Variants in RARRES1 observed in about 807,000 individuals in gnomAD.
The protein encoded by RARRES1 is retinoic acid receptor responder protein 1.
RARRES1 carries 34 observed loss-of-function variants against 30.6 expected under a neutral mutation model. The ratio of observed to expected loss-of-function variants is 1.11; its 90% confidence interval spans 0.84 to 1.48. The LOEUF (loss-of-function observed/expected upper bound fraction) is 1.48, where lower values mean the gene tolerates loss of function less well. Ranked by LOEUF, RARRES1 falls within the 40% of genes most tolerant of loss-of-function variation. The pLI, the probability that RARRES1 is intolerant of heterozygous loss-of-function variation, is 0.00. For synonymous variants in RARRES1, 153 were observed against 155.5 expected, an observed-to-expected ratio of 0.98 and a Z score of 0.12; for missense variants, 373 against 386.5, an observed-to-expected ratio of 0.97 and a Z score of 0.29.
chr3:158,713,505 G>GA (rs1727213510), intron 2 of RARRES1, among the ~76,000 whole-genome samples: 1 of 152,142 alleles, frequency 6.6e-6, no homozygotes, highest in Admixed American at 6.5e-5. Flanking sequence ...AGCTAGGAGG[G>GA]ATACCAGAGG....
chr3:158,715,020 G>A (rs997702133), intron 1 of RARRES1, among the ~76,000 whole-genome samples: 1 of 152,218 alleles, frequency 6.6e-6, no homozygotes, highest in Non-Finnish European at 1.5e-5. Flanking sequence ...GCTTGTACAT[G>A]TACAGATGTT....
chr3:158,713,759 G>A, intron 2 of RARRES1, 38 bp downstream of exon 2: 1 of 1,568,660 alleles, frequency 6.4e-7, no homozygotes. Context: ...ATTTATAGCA[G>A]TTGCTAATAG....
intron 3 of RARRES1, among the ~76,000 whole-genome samples, chr3:158,708,980 A>G (rs191514145): frequency 2.0e-5 from 3 of 152,240 alleles, no homozygotes; most frequent in African/African-American, 7.2e-5. Flanking sequence ...AACTGGGTAA[A>G]ATTTACCTTA....
Position 158,724,814 on chromosome 3 carries a change from A to G in RARRES1, c.276+7326T>C, listed in dbSNP as rs373847556. Among the ~76,000 whole-genome samples, 12 of 151,990 alleles carry G rather than the reference A, an allele frequency of 7.9e-5. No homozygotes were observed. The East Asian group carries it at 1.7e-3, about 22-fold the overall frequency. The stretch of plus-strand genomic sequence containing the variant: ...CATACATCCTATACACAGCCATGGT[A>G]CAAGACTCCCTTTCTTTTTTTTTTT... On this transcript the variant is annotated intron_variant, in intron 1 of 5. Coordinates refer to ENST00000237696, the MANE Select transcript of RARRES1 (RefSeq NM_206963.2).
chr3:158,720,163 GCA>G (rs1391231801), intron 1 of RARRES1, among the ~76,000 whole-genome samples: 1 of 151,582 alleles, frequency 6.6e-6, no homozygotes, highest in African/African-American at 2.4e-5. Context: ...CCCAAATACC[GCA>G]CAGGACTGCA....
At chr3:158,702,548 C>T (rs1431814183) in intron 4 of RARRES1, among the ~76,000 whole-genome samples, 2 of 152,094 alleles carry the variant, frequency 1.3e-5, no homozygotes, top group African/African-American at 2.4e-5. Flanking sequence ...TGTTAAATGT[C>T]CTAGTTTTTT....
intron 3 of RARRES1, among the ~76,000 whole-genome samples, chr3:158,706,915 T>C (rs1481684917): frequency 1.3e-5 from 2 of 152,152 alleles, no homozygotes; most frequent in Non-Finnish European, 2.9e-5. Flanking sequence ...ACGCCTGTAA[T>C]CCCAGCACTT....
At chr3:158,722,011 A>C (rs1727526819) in intron 1 of RARRES1, among the ~76,000 whole-genome samples, 1 of 147,708 alleles carries the variant, frequency 6.8e-6, no homozygotes, top group Admixed American at 7.0e-5. Flanking sequence ...GAATCACTTG[A>C]ATCCAGGAGG....
intron 1 of RARRES1, among the ~76,000 whole-genome samples, chr3:158,716,086 C>G (rs1251642576): frequency 6.6e-6 from 1 of 152,208 alleles, no homozygotes; most frequent in East Asian, 1.9e-4. Flanking sequence ...TGGGTACAGC[C>G]TCCTGCAGAG....
chr3:158,715,862 C>T (rs1273365376), intron 1 of RARRES1, among the ~76,000 whole-genome samples: 1 of 152,186 alleles, frequency 6.6e-6, no homozygotes, highest in Non-Finnish European at 1.5e-5. Flanking sequence ...AGTTCAGCAT[C>T]CTTAGTACCT....
At chr3:158,719,741 A>T (rs1056732622) in intron 1 of RARRES1, among the ~76,000 whole-genome samples, 1 of 152,094 alleles carries the variant, frequency 6.6e-6, no homozygotes. Context: ...TTGATTTGCA[A>T]TCAGTTTGGA....
At chr3:158,713,912 C>T (rs1183818913) in intron 1 of RARRES1, 53 bp from the exon 2 acceptor site, 47 of 1,483,116 alleles carry the variant, frequency 3.2e-5, no homozygotes, top group Non-Finnish European at 4.1e-5. Flanking sequence ...TAAACATCCT[C>T]ATATCCAGGA....
At chr3:158,715,066 AC>A in intron 1 of RARRES1, among the ~76,000 whole-genome samples, 1 of 152,240 alleles carries the variant, frequency 6.6e-6, no homozygotes, top group East Asian at 1.9e-4. Context: ...AGAGCACTGC[AC>A]ACAGAGCAGT....
At chr3:158,712,754 G>A (rs1727178869) in intron 2 of RARRES1, among the ~76,000 whole-genome samples, 1 of 152,146 alleles carries the variant, frequency 6.6e-6, no homozygotes, top group Non-Finnish European at 1.5e-5. Flanking sequence ...GCCGTTGCCT[G>A]AGGATAAAAG....
intron 4 of RARRES1, among the ~76,000 whole-genome samples, chr3:158,704,163 C>T (rs1270369438): frequency 1.3e-5 from 2 of 151,810 alleles, no homozygotes; most frequent in Non-Finnish European, 2.9e-5. Flanking sequence ...CCATTGCCAC[C>T]ACCCTGGTCC....
At chr3:158,721,960 G>T (rs546308987) in intron 1 of RARRES1, among the ~76,000 whole-genome samples, 3 of 151,902 alleles carry the variant, frequency 2.0e-5, no homozygotes, top group South Asian at 4.2e-4. Context: ...GCGTGGTGGC[G>T]CACACCTGTA....
At chr3:158,730,617 A>T (rs114009062) in intron 1 of RARRES1, among the ~76,000 whole-genome samples, 5,026 of 150,776 alleles carry the variant, frequency 0.033, 268 homozygotes, top group African/African-American at 0.11. Context: ...TTAATTTTTA[A>T]TTTTTTTTAT....
intron 4 of RARRES1, among the ~76,000 whole-genome samples, chr3:158,698,421 A>T (rs1343878295): frequency 6.6e-6 from 1 of 152,236 alleles, no homozygotes; most frequent in African/African-American, 2.4e-5. Flanking sequence ...TCTGTGTATT[A>T]TGAGCCTGGT....
intron 4 of RARRES1, 127 bp downstream of exon 4, chr3:158,704,663 AC>A: frequency 7.3e-7 from 1 of 1,370,640 alleles, no homozygotes; most frequent in Non-Finnish European, 9.6e-7. Flanking sequence ...GCAGGAACTC[AC>A]ATATTTATTG....
Sources: allele counts gnomAD v4.1 joint callset (sites outside exome capture counted in the v4.1 genomes callset), GRCh38; gene constraint gnomAD v4.1.1; transcripts MANE v1.5; gene names NCBI Gene and HGNC (gene_info 2026-07-23, HGNC 2026-07-21).